Variants in LMBR1 observed in about 807,000 individuals in gnomAD.
LMBR1 encodes limb development membrane protein 1, also known as limb region 1 protein homolog.
In LMBR1, 52 loss-of-function variants were observed where a neutral mutation model predicts 73.9. The observed-to-expected ratio is 0.70, with a 90% CI of 0.56 to 0.89. LMBR1 has a LOEUF of 0.89. Ranked by LOEUF, LMBR1 falls within the 40% of genes least tolerant of loss-of-function variation. LMBR1 has a pLI of 0.00. For synonymous variants in LMBR1, 215 were observed against 209.4 expected, an observed-to-expected ratio of 1.03 and a Z score of -0.23; for missense variants, 539 against 579.8, an observed-to-expected ratio of 0.93 and a Z score of 0.72.
At chr7:156,725,389 A>G in intron 14 of LMBR1, 46 bp downstream of exon 14, 1 of 1,127,746 alleles carries the variant, frequency 8.9e-7, no homozygotes, top group South Asian at 1.4e-5. Flanking sequence ...GCAGTCTGTC[A>G]GGGAAGGCAA....
intron 1 of LMBR1, among the ~76,000 whole-genome samples, chr7:156,877,509 G>C (rs113021323): frequency 0.021 from 3,152 of 152,182 alleles, 94 homozygotes; most frequent in African/African-American, 0.072. Context: ...CAAAATACTA[G>C]CTAACCGAAT....
intron 1 of LMBR1, among the ~76,000 whole-genome samples, chr7:156,883,251 T>C (rs1199941523): frequency 2.0e-5 from 3 of 151,424 alleles, no homozygotes; most frequent in Non-Finnish European, 4.4e-5. Flanking sequence ...ATACAAAAAT[T>C]AGCCAGGTGT....
At chr7:156,780,915 G>A (rs963858659) in intron 5 of LMBR1, among the ~76,000 whole-genome samples, 4 of 152,164 alleles carry the variant, frequency 2.6e-5, no homozygotes, top group Admixed American at 6.5e-5. Context: ...GAGGAAGTGG[G>A]GGAGAATGCT....
chr7:156,803,136 C>A (rs973153391), intron 4 of LMBR1, among the ~76,000 whole-genome samples: 33 of 152,048 alleles, frequency 2.2e-4, no homozygotes, highest in African/African-American at 6.8e-4. Flanking sequence ...GCAACAAAAG[C>A]CAAAATTGAC....
chr7:156,728,568 G>T, intron 11 of LMBR1, 76 bp downstream of exon 11: 2 of 968,630 alleles, frequency 2.1e-6, no homozygotes, highest in South Asian at 1.6e-5. Context: ...ATTTAGCTGA[G>T]GGAGCTGCCA....
chr7:156,835,833 A>C (rs1372583767), intron 2 of LMBR1, among the ~76,000 whole-genome samples: 8 of 152,200 alleles, frequency 5.3e-5, no homozygotes, highest in Non-Finnish European at 1.0e-4. Context: ...TACTCTAAAA[A>C]TGATCTAATA....
chr7:156,866,473 A>G (rs1428511520), intron 1 of LMBR1, among the ~76,000 whole-genome samples: 1 of 151,480 alleles, frequency 6.6e-6, no homozygotes, highest in Admixed American at 6.6e-5. Context: ...GTCTTGTGAG[A>G]GCGGCTTATC....
intron 12 of LMBR1, among the ~76,000 whole-genome samples, chr7:156,726,877 C>G (rs10247927): frequency 1.3e-5 from 2 of 151,902 alleles, no homozygotes; most frequent in African/African-American, 2.4e-5. Flanking sequence ...ACGAGGACAC[C>G]GAGAAGAATA....
intron 4 of LMBR1, among the ~76,000 whole-genome samples, chr7:156,800,266 G>T (rs1470567344): frequency 6.6e-6 from 1 of 152,138 alleles, no homozygotes; most frequent in Admixed American, 6.5e-5. Context: ...CAATCAACAG[G>T]CTGACTCACT....
intron 12 of LMBR1, among the ~76,000 whole-genome samples, chr7:156,727,554 G>A (rs1816015630): frequency 6.6e-6 from 1 of 152,156 alleles, no homozygotes; most frequent in African/African-American, 2.4e-5. Flanking sequence ...AGAAGAGGCT[G>A]TAAGTGAATA....
intron 4 of LMBR1, among the ~76,000 whole-genome samples, chr7:156,671,221 T>C (rs1802422993): frequency 6.6e-6 from 1 of 152,176 alleles, no homozygotes; most frequent in Non-Finnish European, 1.5e-5. Context: ...CAGAGCAGGA[T>C]GGGTGCACCG....
intron 1 of LMBR1, among the ~76,000 whole-genome samples, chr7:156,885,035 G>A (rs1377408276): frequency 1.3e-5 from 2 of 152,088 alleles, no homozygotes. Context: ...TAAATGGGAA[G>A]GTTCTAAAAT....
intron 5 of LMBR1, among the ~76,000 whole-genome samples, chr7:156,778,245 C>T (rs369212721): frequency 1.3e-5 from 2 of 152,068 alleles, no homozygotes; most frequent in Non-Finnish European, 2.9e-5. Context: ...TTCTAGTTAT[C>T]GATCTACATT....
intron 1 of LMBR1, among the ~76,000 whole-genome samples, chr7:156,853,961 GAATAA>G (rs1796594396): frequency 8.6e-6 from 1 of 116,414 alleles, no homozygotes; most frequent in Non-Finnish European, 1.8e-5. Flanking sequence ...GGCCCACATA[GAATAA>G]AATTAAAAAA....
chr7:156,671,393 A>G (rs1802475263), intron 4 of LMBR1, among the ~76,000 whole-genome samples: 2 of 152,198 alleles, frequency 1.3e-5, no homozygotes, highest in Non-Finnish European at 2.9e-5. Flanking sequence ...TTTACAGAAG[A>G]AGGCTGATGT....
chr7:156,883,694 C>T (rs1319460871), intron 1 of LMBR1, among the ~76,000 whole-genome samples: 2 of 152,156 alleles, frequency 1.3e-5, no homozygotes, highest in Admixed American at 1.3e-4. Flanking sequence ...GAATTCATTT[C>T]CTTGACGTTT....
At chr7:156,738,433 C>T (rs1293666148) in intron 9 of LMBR1, among the ~76,000 whole-genome samples, 1 of 152,134 alleles carries the variant, frequency 6.6e-6, no homozygotes, top group African/African-American at 2.4e-5. Context: ...AATTCCTAGG[C>T]AAGTCCTGCT....
intron 3 of LMBR1, among the ~76,000 whole-genome samples, chr7:156,832,512 T>C (rs1446493506): frequency 1.3e-5 from 2 of 152,218 alleles, no homozygotes; most frequent in African/African-American, 4.8e-5. Flanking sequence ...CTTTTATCTA[T>C]TCTGGACATT....
At chr7:156,866,113 T>C (rs919567727) in intron 1 of LMBR1, among the ~76,000 whole-genome samples, 2 of 151,972 alleles carry the variant, frequency 1.3e-5, no homozygotes, top group African/African-American at 2.4e-5. Context: ...AATTTAACTT[T>C]TGTCCTACAA....
Sources: gnomAD v4.1 joint callset for allele counts (sites outside exome capture counted in the v4.1 genomes callset) on GRCh38, gnomAD v4.1.1 for gene constraint, MANE v1.5 for transcripts, NCBI Gene and HGNC (gene_info 2026-07-23, HGNC 2026-07-21) for gene names.